HIVEP3: variants seen among roughly 807,000 people sequenced by gnomAD.
HIVEP3 encodes HIVEP zinc finger 3.
HIVEP3 carries 49 observed loss-of-function variants against 152.8 expected under a neutral mutation model. That is an observed-to-expected ratio of 0.32 (90% CI 0.26 to 0.41). HIVEP3 has a LOEUF of 0.41. Ranked by LOEUF, HIVEP3 falls within the 10% of genes least tolerant of loss-of-function variation. The probability of loss-of-function intolerance (pLI) is 1.00; values close to 1 mark genes in which losing one functional copy is unlikely to be tolerated. For missense variants in HIVEP3, 2,790 were observed against 3,103.3 expected (o/e 0.90, Z 2.40); for synonymous variants, 1,269 against 1,289.0 (o/e 0.98, Z 0.33).
At chr1:41,857,989 C>CTCTT (rs1160762578) in intron 1 of HIVEP3, among the ~76,000 whole-genome samples, 1 of 151,962 alleles carries the variant, frequency 6.6e-6, no homozygotes, top group Non-Finnish European at 1.5e-5. Flanking sequence ...ATCAATCTCT[C>CTCTT]TCTCTCTCTC....
At chr1:41,519,872 A>G (rs1642712582) in intron 6 of HIVEP3, among the ~76,000 whole-genome samples, 2 of 152,230 alleles carry the variant, frequency 1.3e-5, no homozygotes, top group Admixed American at 6.5e-5. Flanking sequence ...GAATGGGTCA[A>G]TAAACAGATG....
Position 41,889,718 on chromosome 1 carries a change from T to C in HIVEP3, c.-801+28695A>G, listed in dbSNP as rs181466884. On this transcript the variant is annotated intron_variant, in intron 1 of 8. Transcript: ENST00000372583. The stretch of plus-strand genomic sequence containing the variant: ...GCCCTGTGGGGAATGAGGGCACCCA[T>C]TGTCCCCTGCAGAGCAGTTGTGGAT... Among the ~76,000 whole-genome samples the C allele has an allele frequency of 1.3e-4, 20 of 152,266 alleles. No homozygotes were observed. The East Asian group carries it at 3.9e-3, about 29-fold the overall frequency.
intron 3 of HIVEP3, among the ~76,000 whole-genome samples, chr1:41,585,663 T>G (rs1053562765): frequency 1.3e-5 from 2 of 152,150 alleles, no homozygotes; most frequent in Non-Finnish European, 2.9e-5. Flanking sequence ...ATCTCTGTTT[T>G]GTGATCCACT....
chr1:41,974,156 A>C (rs1645246350), intron 1 of HIVEP3, among the ~76,000 whole-genome samples: 1 of 152,136 alleles, frequency 6.6e-6, no homozygotes, highest in African/African-American at 2.4e-5. Context: ...AAAAAGCCAA[A>C]GGCACAAGAG....
intron 1 of HIVEP3, among the ~76,000 whole-genome samples, chr1:41,789,646 T>G (rs1649570391): frequency 1.3e-5 from 2 of 152,146 alleles, no homozygotes; most frequent in Non-Finnish European, 2.9e-5. Context: ...TAAATACTAG[T>G]GTAGGTGATA....
intron 1 of HIVEP3, among the ~76,000 whole-genome samples, chr1:42,009,417 T>C (rs1645480732): frequency 1.3e-5 from 2 of 152,218 alleles, no homozygotes; most frequent in African/African-American, 4.8e-5. Context: ...TAGTGGGAGA[T>C]GACTTTCCTT....
At chr1:41,911,247 G>C (rs115397677) in intron 1 of HIVEP3, among the ~76,000 whole-genome samples, 2 of 152,108 alleles carry the variant, frequency 1.3e-5, no homozygotes, top group Admixed American at 6.5e-5. Flanking sequence ...GGTCAACAGC[G>C]TATGAAAAGA....
At chr1:41,842,781 T>C (rs7540443) in intron 1 of HIVEP3, among the ~76,000 whole-genome samples, 9,687 of 152,176 alleles carry the variant, frequency 0.064, 1,003 homozygotes, top group African/African-American at 0.22. Context: ...CAGGTGGCAA[T>C]TTTAGCTCTT....
At chr1:41,874,199 C>G (rs756275215) in intron 1 of HIVEP3, among the ~76,000 whole-genome samples, 2 of 152,170 alleles carry the variant, frequency 1.3e-5, no homozygotes, top group Non-Finnish European at 2.9e-5. Flanking sequence ...CACAGAAGTG[C>G]CTATTTGCAT....
chr1:42,026,828 A>G (rs1266986473), intron 1 of HIVEP3, among the ~76,000 whole-genome samples: 1 of 152,236 alleles, frequency 6.6e-6, no homozygotes. Context: ...TCCCAAAACT[A>G]TTGCAAGCAA....
intron 1 of HIVEP3, among the ~76,000 whole-genome samples, chr1:41,736,686 T>C (rs1199223055): frequency 2.0e-5 from 3 of 152,178 alleles, no homozygotes; most frequent in African/African-American, 4.8e-5. Context: ...TCCGCAAACT[T>C]TCACTGCCTT....
intron 1 of HIVEP3, among the ~76,000 whole-genome samples, chr1:41,878,775 TCTTC>T (rs1299681334): frequency 5.5e-5 from 7 of 127,132 alleles, no homozygotes; most frequent in African/African-American, 2.1e-4. Context: ...CTCCTCCCTC[TCTTC>T]CTAACTCCCT....
intron 1 of HIVEP3, among the ~76,000 whole-genome samples, chr1:41,713,925 C>T (rs933659551): frequency 6.6e-6 from 1 of 152,230 alleles, no homozygotes. Flanking sequence ...CGAAACAATG[C>T]TGCTGGTCAG....
intron 1 of HIVEP3, among the ~76,000 whole-genome samples, chr1:41,898,167 G>C (rs1417968329): frequency 6.6e-6 from 1 of 152,226 alleles, no homozygotes; most frequent in Non-Finnish European, 1.5e-5. Context: ...GTTTGTTTCA[G>C]TCTTGGTGCA....
At chr1:41,852,552 G>A (rs544253107) in intron 1 of HIVEP3, among the ~76,000 whole-genome samples, 26 of 152,308 alleles carry the variant, frequency 1.7e-4, no homozygotes, top group Non-Finnish European at 2.8e-4. Flanking sequence ...CAAAAGCAGG[G>A]CCTATACTTC....
At chr1:41,717,498 G>A (rs959247686) in intron 1 of HIVEP3, among the ~76,000 whole-genome samples, 1 of 152,212 alleles carries the variant, frequency 6.6e-6, no homozygotes, top group East Asian at 1.9e-4. Flanking sequence ...ATCAGGGAAG[G>A]CTTCTCTAAG....
intron 1 of HIVEP3, among the ~76,000 whole-genome samples, chr1:41,796,054 G>A (rs1649964838): frequency 6.6e-6 from 1 of 152,140 alleles, no homozygotes; most frequent in Admixed American, 6.5e-5. Flanking sequence ...GACAGAACTG[G>A]AAAATATATG....
At chr1:41,749,359 C>T (rs1005280447) in intron 1 of HIVEP3, among the ~76,000 whole-genome samples, 10 of 150,068 alleles carry the variant, frequency 6.7e-5, no homozygotes, top group Non-Finnish European at 7.4e-5. Context: ...AGGGTTTCTT[C>T]CAGGATTCAA....
chr1:41,513,320 T>C lies in HIVEP3; in HGVS notation c.5901A>G (p.Arg1967=), dbSNP rs1421346664. 6.2e-7 allele frequency: 1 copy of C among 1,608,220 alleles called. No homozygotes were observed. The highest frequency in any genetic ancestry group is 8.5e-7 in the Non-Finnish European group (1 of 1,177,614). Residue 1967 remains arginine, a synonymous_variant, in exon 8 of 9, where the codon AGA becomes AGG. Transcript: ENST00000372583. ...ALSYKPVSPR[R]PWSPSKEAGS... ...CTGCTTCTTTGCTTGGGGACCACGG[T>C]CTTCTTGGGGACACAGGCTTGTAGC...
Sources: allele counts gnomAD v4.1 joint callset (sites outside exome capture counted in the v4.1 genomes callset), GRCh38; gene constraint gnomAD v4.1.1; transcripts MANE v1.5; gene names NCBI Gene and HGNC (gene_info 2026-07-23, HGNC 2026-07-21).